The following RYR2 variants were observed in gnomAD, a reference collection of about 807,000 sequenced individuals.
RYR2 encodes cardiac muscle ryanodine receptor-calcium release channel.
In RYR2, 227 loss-of-function variants were observed where a neutral mutation model predicts 601.1. The observed-to-expected ratio is 0.38, with a 90% confidence interval of 0.34 to 0.42. RYR2 has a LOEUF of 0.42. Among genes scored for constraint, RYR2 ranks in the 10% least tolerant of loss-of-function variants. The pLI is 1.00. For synonymous variants in RYR2, 2,223 were observed against 2,175.1 expected (o/e 1.02, Z -0.61); for missense variants, 4,646 against 6,156.5 (o/e 0.75, Z 8.21).
chr1:237,114,171 TTA>T (rs1469364217), intron 1 of RYR2, among the ~76,000 whole-genome samples: 30 of 152,250 alleles, frequency 2.0e-4, no homozygotes, highest in African/African-American at 6.0e-4. Context: ...TTCACGGGGA[TTA>T]GAGAGTAGAG....
intron 38 of RYR2, among the ~76,000 whole-genome samples, chr1:237,617,910 G>A (rs1373798412): frequency 1.3e-5 from 2 of 152,068 alleles, no homozygotes; most frequent in African/African-American, 4.8e-5. Context: ...ACCTGCTTGT[G>A]GTTTCTTCCT....
chr1:237,194,425 C>T (rs1264999583), intron 1 of RYR2, among the ~76,000 whole-genome samples: 1 of 152,120 alleles, frequency 6.6e-6, no homozygotes, highest in Non-Finnish European at 1.5e-5. Flanking sequence ...CTCTGAGATT[C>T]CCGTGTGGGA....
chr1:237,088,103 T>C (rs899133905), intron 1 of RYR2, among the ~76,000 whole-genome samples: 34 of 152,198 alleles, frequency 2.2e-4, no homozygotes, highest in African/African-American at 8.2e-4. Flanking sequence ...TTGGATACTA[T>C]TGGAAATTAA....
chr1:237,416,757 C>CAGAGAGAGAGAGAGAGAGAGAGAG (rs10686135), intron 10 of RYR2, among the ~76,000 whole-genome samples: 1 of 121,046 alleles, frequency 8.3e-6, no homozygotes, highest in African/African-American at 2.7e-5. Context: ...GAAACACACA[C>CAGAGAGAGAGAGAGAGAGAGAGAG]ACACACAGAG....
Position 237,374,741 on chromosome 1 carries a change from C to T in RYR2, c.409C>T (p.Arg137Trp), listed in dbSNP as rs761916230. Residue 137 changes from arginine to tryptophan, a missense_variant, in exon 7 of 105, where the codon CGG becomes TGG. This residue lies in a region of RYR2 where 153 missense variants were observed against 203.6 expected (regional missense o/e 0.75). Coordinates refer to ENST00000366574, the MANE Select transcript of RYR2 (RefSeq NM_001035.3). ...GMYLCCLSTSRSSTDKLAFDV... is the reference protein window; with the variant it reads ...GMYLCCLSTSWSSTDKLAFDV... ...GTATCTGTGCTGCCTGTCCACCTCCCGGTCTTCAACTGATAAGCTGGCTTT... is the reference window on the plus strand; with the variant it reads ...GTATCTGTGCTGCCTGTCCACCTCCTGGTCTTCAACTGATAAGCTGGCTTT... 1.7e-5 allele frequency: 27 copies of T among 1,612,832 alleles called. No individual in the cohort carries two copies. Among genetic ancestry groups the T allele is most frequent in the East Asian group, 2.2e-5 (1 of 44,866 alleles).
intron 1 of RYR2, among the ~76,000 whole-genome samples, chr1:237,110,584 T>G (rs1212172849): frequency 6.6e-6 from 1 of 152,078 alleles, no homozygotes; most frequent in Non-Finnish European, 1.5e-5. Context: ...GTCCCTAAGT[T>G]CCCAAGGGAT....
intron 29 of RYR2, among the ~76,000 whole-genome samples, chr1:237,588,961 T>C (rs1326681502): frequency 1.3e-5 from 2 of 152,074 alleles, no homozygotes; most frequent in Non-Finnish European, 2.9e-5. Flanking sequence ...TCCAAAGAGC[T>C]CAAAAAAACA....
intron 97 of RYR2, 139 bp downstream of exon 97, chr1:237,798,309 G>A (rs1447016197): frequency 6.5e-6 from 5 of 764,218 alleles, no homozygotes; most frequent in South Asian, 2.7e-5. Context: ...AGTATATAAA[G>A]TCTACTTTTA....
At chr1:237,218,518 T>C (rs1387330476) in intron 1 of RYR2, among the ~76,000 whole-genome samples, 1 of 152,192 alleles carries the variant, frequency 6.6e-6, no homozygotes, top group Admixed American at 6.5e-5. Context: ...TTCAGCTTGC[T>C]TTCTTTCTGG....
chr1:237,260,178 C>T (rs931934757), intron 1 of RYR2, among the ~76,000 whole-genome samples: 3 of 152,154 alleles, frequency 2.0e-5, no homozygotes, highest in African/African-American at 7.2e-5. Context: ...TCCAATTGAA[C>T]ATAAAGGAGT....
intron 80 of RYR2, among the ~76,000 whole-genome samples, chr1:237,748,894 C>T (rs1396046575): frequency 6.6e-6 from 1 of 152,168 alleles, no homozygotes; most frequent in Non-Finnish European, 1.5e-5. Context: ...CTAAACAATA[C>T]AGCAGAACAA....
chr1:237,123,756 T>C (rs1031443769), intron 1 of RYR2, among the ~76,000 whole-genome samples: 3 of 145,012 alleles, frequency 2.1e-5, no homozygotes, highest in Non-Finnish European at 4.5e-5. Flanking sequence ...CAAGCTCCGC[T>C]TCCCGGGTTC....
chr1:237,329,691 A>G (rs953430258), intron 2 of RYR2, among the ~76,000 whole-genome samples: 1 of 152,030 alleles, frequency 6.6e-6, no homozygotes, highest in African/African-American at 2.4e-5. Flanking sequence ...TATGGGAAGG[A>G]CAAGTACTGC....
At position 237,634,907 on chromosome 1, in the gene RYR2, G is replaced by T. The variant is rs1553261760; in HGVS notation, c.6707G>T (p.Gly2236Val). The change falls in exon 44 of 105, where the codon GGT (glycine) becomes GTT (valine). Residue 2236 changes from glycine to valine, a missense_variant. By Grantham distance (109) the Gly-to-Val change is moderately radical (BLOSUM62 -3). Around this residue, in one of 17 missense-constraint regions of RYR2, gnomAD observed 137 missense variants for 273.6 expected, o/e 0.50. Transcript: ENST00000366574. The stretch of plus-strand genomic sequence containing the variant: ...TTAATAGCCTCCCCAGCTATGAGAG[G>T]TTCAACACCACTGGATGTGGCTGCA... ...SVGLASPAMR[G>V]STPLDVAAAS... 6.2e-7 allele frequency: 1 copy of T among 1,608,710 alleles called. No homozygotes were observed. The highest frequency in any genetic ancestry group is 8.5e-7 in the Non-Finnish European group (1 of 1,177,542).
At chr1:237,584,647 C>CTGTTTTT (rs138942009) in intron 29 of RYR2, among the ~76,000 whole-genome samples, 28,687 of 67,062 alleles carry the variant, frequency 0.43, 6,447 homozygotes, top group South Asian at 0.65. Flanking sequence ...AGCTCACCAC[C>CTGTTTTT]TGTTTTTTTT....
chr1:237,674,196 G>T lies in RYR2; in HGVS notation c.8691G>T (p.Gln2897His). ...CACAGGACATCCTCAAGTTCTTGCA[G>T]ATCAATGGATATGCTGTATCCAGGT... Reference protein sequence around the residue: ...EKAQDILKFLQINGYAVSRGF... With the variant: ...EKAQDILKFLHINGYAVSRGF... The change falls in exon 59 of 105, where the codon CAG (glutamine) becomes CAT (histidine). Residue 2897 changes from glutamine (Q) to histidine (H), a missense_variant. This residue lies in a region of RYR2 where 1,497 missense variants were observed against 1,842.6 expected (regional missense o/e 0.81). Transcript: ENST00000366574. 6.2e-7 allele frequency: 1 copy of T among 1,611,784 alleles called. No homozygotes were observed. Among genetic ancestry groups the T allele is most frequent in the South Asian group, 1.1e-5 (1 of 91,012 alleles).
At position 237,369,560 on chromosome 1, in the gene RYR2, A is replaced by T; in HGVS notation, c.336A>T (p.Thr112=). 6.4e-7 allele frequency: 1 copy of T among 1,563,940 alleles called. No individual in the cohort carries two copies. Among genetic ancestry groups the T allele is most frequent in the East Asian group, 2.3e-5 (1 of 42,602 alleles). ...MKTAQGGGHR[T]LLYGHAILLR... is the part of the protein sequence containing the mutation. ...CTGCTCAAGGTGGTGGTCATCGAAC[A>T]CTCCTCTACGGACATGCCATATTGC... Residue 112 remains threonine (T), a synonymous_variant, in exon 6 of 105, where the codon ACA becomes ACT. Transcript: ENST00000366574.
At chr1:237,570,456 A>G (rs1182240442) in intron 29 of RYR2, among the ~76,000 whole-genome samples, 1 of 150,722 alleles carries the variant, frequency 6.6e-6, no homozygotes, top group Non-Finnish European at 1.5e-5. Flanking sequence ...CTCCTGCCTC[A>G]GCTTCCCAAG....
At position 237,791,526 on chromosome 1, in the gene RYR2, C is replaced by G; in HGVS notation, c.13563+11C>G. ...TTGCTCTTTTATAAGGTACGTACAT[C>G]TCACTGTTTTAATTACTGGTATAAA... On this transcript the variant is annotated intron_variant, in intron 93 of 104. Coordinates refer to ENST00000366574, the MANE Select transcript of RYR2 (RefSeq NM_001035.3). 7.4e-7 allele frequency: 1 copy of G among 1,356,014 alleles called. No homozygotes were observed. Among genetic ancestry groups the G allele is most frequent in the Non-Finnish European group, 1.0e-6 (1 of 965,264 alleles). 84.0% of individuals were successfully genotyped at this position (1,356,014 alleles called of 1,614,324 possible).
Sources: allele counts gnomAD v4.1 joint callset (sites outside exome capture counted in the v4.1 genomes callset), GRCh38; gene constraint gnomAD v4.1.1; regional missense constraint gnomAD v4.1.1; transcripts MANE v1.5; gene names NCBI Gene and HGNC (gene_info 2026-07-23, HGNC 2026-07-21).